The following ZNF697 variants were observed in gnomAD, a reference collection of about 807,000 sequenced individuals.
The protein encoded by ZNF697 is zinc finger protein 697.
A neutral mutation model predicts 32.4 loss-of-function variants in ZNF697; 23 were observed. The ratio of observed to expected loss-of-function variants is 0.71; its 90% confidence interval spans 0.51 to 1.01. The LOEUF is 1.01. Among genes scored for constraint, ZNF697 ranks in the 50% least tolerant of loss-of-function variants. The pLI is 0.00. For missense variants in ZNF697, 930 were observed against 794.0 expected (o/e 1.17, Z -2.06); for synonymous variants, 418 against 337.2 (o/e 1.24, Z -2.62).
At chr1:119,638,295 G>T (rs1282864361) in intron 1 of ZNF697, among the ~76,000 whole-genome samples, 1 of 152,118 alleles carries the variant, frequency 6.6e-6, no homozygotes, top group Admixed American at 6.5e-5. Flanking sequence ...CAGTGAACTC[G>T]GGCTTCCAGA....
intron 1 of ZNF697, among the ~76,000 whole-genome samples, chr1:119,630,147 C>G (rs1222184529): frequency 1.3e-5 from 2 of 152,226 alleles, no homozygotes; most frequent in African/African-American, 4.8e-5. Flanking sequence ...GGAGACAACT[C>G]TGGTTTTTGG....
chr1:119,646,092 A>C (rs1307046664), intron 1 of ZNF697, among the ~76,000 whole-genome samples: 2 of 152,092 alleles, frequency 1.3e-5, no homozygotes, highest in African/African-American at 4.8e-5. Flanking sequence ...GTCACTATTT[A>C]CCACTTCAAT....
Position 119,623,528 on chromosome 1 carries a change from C to G in ZNF697, c.815G>C (p.Arg272Pro), listed in dbSNP as rs766826509. The G allele has an allele frequency of 6.4e-7, 1 of 1,557,310 alleles. No homozygotes were observed. The highest frequency in any genetic ancestry group is 1.4e-5 in the African/African-American group (1 of 70,270). ...RCGECGKGFS[R>P]NTYLTNHLRL... ...CAGGTGGTTGGTCAGGTAGGTGTTGCGGCTGAAGCCCTTGCCGCACTCCCC... is the reference window on the plus strand; with the variant it reads ...CAGGTGGTTGGTCAGGTAGGTGTTGGGGCTGAAGCCCTTGCCGCACTCCCC... Residue 272 changes from arginine to proline, a missense_variant, in exon 3 of 3, where the codon CGC becomes CCC. Arg to Pro is a moderately radical substitution (Grantham distance 103, BLOSUM62 -2). Coordinates refer to ENST00000421812, the MANE Select transcript of ZNF697 (RefSeq NM_001080470.2).
intron 1 of ZNF697, among the ~76,000 whole-genome samples, chr1:119,633,356 A>ATATGTG (rs369467811): frequency 4.2e-5 from 6 of 143,258 alleles, no homozygotes; most frequent in African/African-American, 1.5e-4. Context: ...AACCAATAGG[A>ATATGTG]TGTGTGTGTG....
At chr1:119,646,900 G>A (rs182257179) in intron 1 of ZNF697, among the ~76,000 whole-genome samples, 15 of 152,258 alleles carry the variant, frequency 9.9e-5, no homozygotes, top group East Asian at 7.7e-4. Flanking sequence ...TTATCCAACC[G>A]CATTTACCAG....
chr1:119,623,149 C>T lies in ZNF697; in HGVS notation c.1194G>A (p.Lys398=). 6.3e-7 allele frequency: 1 copy of T among 1,586,032 alleles called. No homozygotes were observed. The highest frequency in any genetic ancestry group is 8.6e-7 in the Non-Finnish European group (1 of 1,167,176). Residue 398 remains lysine (K), a synonymous_variant, in exon 3 of 3, where the codon AAG becomes AAA. Transcript: ENST00000421812. ...TCTCGCCCGTGTGCACGCGCTGGTG[C>T]TTCACCAAGTCCGAGCGCCAGCTGA... is the stretch of plus-strand genomic sequence containing the variant. The part of the protein sequence containing the change: ...KRFSWRSDLV[K]HQRVHTGEKP...
At chr1:119,643,975 G>A (rs587671888) in intron 1 of ZNF697, among the ~76,000 whole-genome samples, 3 of 152,192 alleles carry the variant, frequency 2.0e-5, no homozygotes, top group East Asian at 1.9e-4. Flanking sequence ...ATAATATTTC[G>A]TGCCTCCATT....
chr1:119,645,476 A>T (rs1279419886), intron 1 of ZNF697, among the ~76,000 whole-genome samples: 1 of 152,230 alleles, frequency 6.6e-6, no homozygotes, highest in Non-Finnish European at 1.5e-5. Flanking sequence ...GGAGCTAATC[A>T]GCTGGGCCAG....
At chr1:119,628,264 G>T (rs587673889) in intron 1 of ZNF697, among the ~76,000 whole-genome samples, 1 of 152,228 alleles carries the variant, frequency 6.6e-6, no homozygotes, top group Non-Finnish European at 1.5e-5. Context: ...TTAGGAGTCC[G>T]ATCTGGGAAA....
At chr1:119,642,957 C>A (rs587730815) in intron 1 of ZNF697, among the ~76,000 whole-genome samples, 1 of 152,272 alleles carries the variant, frequency 6.6e-6, no homozygotes, top group African/African-American at 2.4e-5. Flanking sequence ...AAAATTTCAA[C>A]AACTGGAAAA....
At chr1:119,630,182 A>G (rs587677619) in intron 1 of ZNF697, among the ~76,000 whole-genome samples, 1 of 152,366 alleles carries the variant, frequency 6.6e-6, no homozygotes, top group East Asian at 1.9e-4. Context: ...GTGCTGTGTG[A>G]CTTTAAGCAT....
chr1:119,647,398 C>T (rs116007468), intron 1 of ZNF697, among the ~76,000 whole-genome samples: 2,249 of 152,270 alleles, frequency 0.015, 37 homozygotes, highest in Non-Finnish European at 0.025. Context: ...GACGGCCACC[C>T]CTCTTGGGCT....
At chr1:119,645,025 T>C (rs1005401600) in intron 1 of ZNF697, among the ~76,000 whole-genome samples, 4 of 152,220 alleles carry the variant, frequency 2.6e-5, no homozygotes, top group African/African-American at 9.6e-5. Context: ...ATGACAAAAA[T>C]TGTTGATTAT....
intron 1 of ZNF697, among the ~76,000 whole-genome samples, chr1:119,629,337 C>T (rs919841198): frequency 1.3e-5 from 2 of 152,222 alleles, no homozygotes; most frequent in African/African-American, 4.8e-5. Flanking sequence ...ACACCAGACA[C>T]CATGGTATAA....
chr1:119,624,365 TA>T (rs57826447), intron 2 of ZNF697, among the ~76,000 whole-genome samples: 104,037 of 151,622 alleles, frequency 0.69, 36,370 homozygotes, highest in African/African-American at 0.83. Context: ...CAGGCCCCCC[TA>T]GCTGGACCCG....
At chr1:119,647,153 T>G (rs1241542682) in intron 1 of ZNF697, among the ~76,000 whole-genome samples, 3 of 152,112 alleles carry the variant, frequency 2.0e-5, no homozygotes. Context: ...GAAGTGGTAG[T>G]CAGTTCCCGA....
chr1:119,626,887 T>C (rs909063785), intron 1 of ZNF697, among the ~76,000 whole-genome samples: 3 of 152,136 alleles, frequency 2.0e-5, no homozygotes, highest in Non-Finnish European at 4.4e-5. Flanking sequence ...TAATTACATA[T>C]TTTACAGTAT....
chr1:119,636,912 A>G (rs1648938157), intron 1 of ZNF697, among the ~76,000 whole-genome samples: 1 of 152,186 alleles, frequency 6.6e-6, no homozygotes, highest in Non-Finnish European at 1.5e-5. Flanking sequence ...GAGGGAGGGA[A>G]GTTGTTCCTC....
rs1557933752 is a variant in ZNF697, at chr1:119,623,301, CCGCCCCCGCGCCGCTGGCCGCCG to C, written c.1019_1041del (p.Ala340GlyfsTer87). 1 of 1,360,308 alleles carries C rather than the reference CCGCCCCCGCGCCGCTGGCCGCCG, an allele frequency of 7.4e-7. No individual in the cohort carries two copies. Among genetic ancestry groups the C allele is most frequent in the Non-Finnish European group, 9.4e-7 (1 of 1,060,844 alleles). The allele number at this position is 1,360,308 out of a possible 1,614,324, so 84.3% of individuals were successfully genotyped here. The stretch of plus-strand genomic sequence containing the variant: ...CCGCAGGCGAAGGGCCGCAGCGCCG[CCGCCCCCGCGCCGCTGGCCGCCG>C]CGTGCGCGCGCCGGTGGCTCAACAG... On this transcript the variant is annotated frameshift_variant, in exon 3 of 3. Coordinates refer to ENST00000421812, the MANE Select transcript of ZNF697 (RefSeq NM_001080470.2). LOFTEE classifies it high-confidence loss of function.
Sources: allele counts gnomAD v4.1 joint callset (sites outside exome capture counted in the v4.1 genomes callset), GRCh38; gene constraint gnomAD v4.1.1; transcripts MANE v1.5; gene names NCBI Gene and HGNC (gene_info 2026-07-23, HGNC 2026-07-21).